BICD1: variants seen among roughly 807,000 people sequenced by gnomAD.
BICD1 encodes the protein BICD cargo adaptor 1.
In BICD1, 35 loss-of-function variants were observed where a neutral mutation model predicts 92.5. The ratio of observed to expected loss-of-function variants is 0.38; its 90% confidence interval spans 0.29 to 0.50. The LOEUF (loss-of-function observed/expected upper bound fraction) is 0.50, where lower values mean the gene tolerates loss of function less well. Among genes scored for constraint, BICD1 ranks in the 20% least tolerant of loss-of-function variants. The pLI is 0.93. For synonymous variants in BICD1, 429 were observed against 465.1 expected, an observed-to-expected ratio of 0.92 and a Z score of 1.00; for missense variants, 950 against 1,189.8, an observed-to-expected ratio of 0.80 and a Z score of 2.97.
At chr12:32,365,625 G>T (rs558222261) in intron 8 of BICD1, among the ~76,000 whole-genome samples, 3 of 152,182 alleles carry the variant, frequency 2.0e-5, no homozygotes, top group Non-Finnish European at 2.9e-5. Context: ...TACATCCATT[G>T]CATTTACCCA....
intron 1 of BICD1, among the ~76,000 whole-genome samples, chr12:32,185,935 G>A: frequency 9.6e-6 from 1 of 104,354 alleles, no homozygotes; most frequent in East Asian, 3.2e-4. Context: ...GGGGCCAGGA[G>A]ACTAAACACC....
intron 2 of BICD1, among the ~76,000 whole-genome samples, chr12:32,223,014 C>T (rs1201348549): frequency 6.6e-6 from 1 of 152,198 alleles, no homozygotes; most frequent in Non-Finnish European, 1.5e-5. Flanking sequence ...TGTTGAAAAT[C>T]TATGTTTTAG....
intron 9 of BICD1, among the ~76,000 whole-genome samples, chr12:32,371,692 ATTC>A (rs1240948197): frequency 2.0e-5 from 3 of 152,052 alleles, no homozygotes; most frequent in Non-Finnish European, 4.4e-5. Context: ...GGTTCAAGCA[ATTC>A]TTCTGCCTCA....
At position 32,346,523 on chromosome 12, in the gene BICD1, T is replaced by A. The variant is rs11051949; in HGVS notation, c.2764+7544T>A. Among the ~76,000 whole-genome samples the A allele has an allele frequency of 0.027, 2,433 of 90,516 alleles. 231 individuals carry two copies. In the East Asian group the frequency reaches 0.3, roughly 11 times the overall value. The allele number at this position is 90,516 out of a possible 152,430, so 59.4% of individuals were successfully genotyped here. A position where few individuals can be genotyped will look rare whatever the true frequency, so the allele number is the denominator to read the frequency against. On this transcript the variant is annotated intron_variant, in intron 8 of 9. Transcript: ENST00000652176. ...CAGAGTGAGACCCTGTCAAAAAAAA[T>A]ATATATATACGTGTATATATATATA... is the stretch of plus-strand genomic sequence containing the variant.
chr12:32,334,805 TC>T, intron 6 of BICD1, 138 bp downstream of exon 6: 1 of 947,274 alleles, frequency 1.1e-6, no homozygotes, highest in Non-Finnish European at 1.5e-6. Context: ...TCTGTGGAAG[TC>T]CACTCTGACG....
intron 2 of BICD1, among the ~76,000 whole-genome samples, chr12:32,255,920 A>G (rs1433919130): frequency 6.6e-6 from 1 of 152,230 alleles, no homozygotes; most frequent in Non-Finnish European, 1.5e-5. Flanking sequence ...TTGACTCGAC[A>G]TTAATAATAG....
intron 1 of BICD1, among the ~76,000 whole-genome samples, chr12:32,184,094 G>T (rs550742893): frequency 1.3e-4 from 20 of 152,202 alleles, no homozygotes; most frequent in African/African-American, 4.6e-4. Flanking sequence ...GCGTGGCAGT[G>T]GTCAGGACTG....
chr12:32,116,878 C>G (rs766967371), intron 1 of BICD1, among the ~76,000 whole-genome samples: 36 of 151,994 alleles, frequency 2.4e-4, no homozygotes, highest in Non-Finnish European at 4.7e-4. Flanking sequence ...CTGTGCCTGG[C>G]CTTCTACATT....
intron 1 of BICD1, among the ~76,000 whole-genome samples, chr12:32,182,722 T>G (rs1480359733): frequency 6.6e-6 from 1 of 151,910 alleles, no homozygotes; most frequent in African/African-American, 2.4e-5. Flanking sequence ...GTAGTATTTT[T>G]ATTTATAAAA....
chr12:32,221,345 C>CAAAA (rs1366542182), intron 2 of BICD1, among the ~76,000 whole-genome samples: 1 of 134,500 alleles, frequency 7.4e-6, no homozygotes, highest in South Asian at 2.7e-4. Flanking sequence ...ATCTGTATCA[C>CAAAA]AAAAAATAAA....
At chr12:32,281,114 C>T (rs529055361) in intron 2 of BICD1, among the ~76,000 whole-genome samples, 154 of 152,304 alleles carry the variant, frequency 1.0e-3, no homozygotes, top group African/African-American at 3.6e-3. Flanking sequence ...CTCTGCAGAA[C>T]ACCCTATGGG....
At chr12:32,279,418 T>TC (rs35815205) in intron 2 of BICD1, among the ~76,000 whole-genome samples, 9 of 152,194 alleles carry the variant, frequency 5.9e-5, no homozygotes. Flanking sequence ...AGAAAGATCT[T>TC]CCCCAAAAAG....
At chr12:32,111,458 A>G (rs1328091477) in intron 1 of BICD1, among the ~76,000 whole-genome samples, 1 of 152,150 alleles carries the variant, frequency 6.6e-6, no homozygotes, top group Non-Finnish European at 1.5e-5. Context: ...TTTCTTTTAT[A>G]TCTTTAAGTT....
chr12:32,340,224 A>G (rs1168916675), intron 8 of BICD1: 5 of 985,318 alleles, frequency 5.1e-6, no homozygotes, highest in Non-Finnish European at 6.0e-6. Context: ...CTGATAGTGC[A>G]TTTCACGTTC....
chr12:32,372,562 A>T (rs1484301041), intron 9 of BICD1, among the ~76,000 whole-genome samples: 1 of 152,184 alleles, frequency 6.6e-6, no homozygotes, highest in Non-Finnish European at 1.5e-5. Context: ...TTAATAAAAG[A>T]GCATTTTCTC....
At chr12:32,128,713 C>A (rs1004034484) in intron 1 of BICD1, among the ~76,000 whole-genome samples, 1 of 151,988 alleles carries the variant, frequency 6.6e-6, no homozygotes, top group Non-Finnish European at 1.5e-5. Context: ...TTTTTCCTGT[C>A]ATAATATATC....
intron 3 of BICD1, among the ~76,000 whole-genome samples, chr12:32,296,245 GGTTTTTTTTT>G (rs1325437983): frequency 5.0e-5 from 5 of 99,224 alleles, no homozygotes; most frequent in Non-Finnish European, 9.0e-5. Flanking sequence ...AATAAGAAGG[GGTTTTTTTTT>G]GTTTTTTTTT....
At chr12:32,294,620 TA>T (rs60052535) in intron 3 of BICD1, among the ~76,000 whole-genome samples, 9,888 of 65,672 alleles carry the variant, frequency 0.15, 323 homozygotes, top group East Asian at 0.22. Context: ...GACTCCGTCT[TA>T]AAAAAAAAAA....
intron 8 of BICD1, among the ~76,000 whole-genome samples, chr12:32,365,532 C>T (rs1592724075): frequency 6.6e-6 from 1 of 152,180 alleles, no homozygotes; most frequent in Non-Finnish European, 1.5e-5. Flanking sequence ...GATCGCTATT[C>T]CACAGAGGCC....
Sources: allele counts gnomAD v4.1 joint callset (sites outside exome capture counted in the v4.1 genomes callset), GRCh38; gene constraint gnomAD v4.1.1; transcripts MANE v1.5; gene names NCBI Gene and HGNC (gene_info 2026-07-23, HGNC 2026-07-21).